ZNF831: variants seen among roughly 807,000 people sequenced by gnomAD.
ZNF831 encodes the protein zinc finger protein 831, also known as chromosome 20 open reading frame 174.
A neutral mutation model predicts 95.8 loss-of-function variants in ZNF831; 59 were observed. That is an observed-to-expected ratio of 0.62 (90% CI 0.50 to 0.77). The LOEUF (loss-of-function observed/expected upper bound fraction) is 0.77. Ranked by LOEUF, ZNF831 falls within the 30% of genes least tolerant of loss-of-function variation. The pLI is 0.00. For missense variants in ZNF831, 2,205 were observed against 2,164.0 expected (o/e 1.02, Z -0.38); for synonymous variants, 961 against 925.5 (o/e 1.04, Z -0.70).
chr20:59,177,500 C>G (rs1292228141), intron 1 of ZNF831, among the ~76,000 whole-genome samples: 1 of 152,210 alleles, frequency 6.6e-6, no homozygotes, highest in East Asian at 1.9e-4. Flanking sequence ...CAGGTACCAG[C>G]ATGGCTCATT....
intron 4 of ZNF831, among the ~76,000 whole-genome samples, chr20:59,233,093 C>T (rs1384126381): frequency 6.6e-6 from 1 of 151,656 alleles, no homozygotes; most frequent in East Asian, 1.9e-4. Flanking sequence ...CAGACTTGCC[C>T]CAGGTTACAT....
chr20:59,167,786 A>G (rs947759766), intron 1 of ZNF831, among the ~76,000 whole-genome samples: 6 of 152,264 alleles, frequency 3.9e-5, no homozygotes, highest in East Asian at 3.9e-4. Flanking sequence ...AGGCAGGAGA[A>G]TTGCTTGAAC....
intron 1 of ZNF831, among the ~76,000 whole-genome samples, chr20:59,145,182 C>T (rs774068009): frequency 6.6e-6 from 1 of 152,206 alleles, no homozygotes; most frequent in African/African-American, 2.4e-5. Context: ...AGATGGTGAA[C>T]TTTGACCGGA....
chr20:59,227,865 A>G (rs998043494), intron 4 of ZNF831, among the ~76,000 whole-genome samples: 1 of 152,194 alleles, frequency 6.6e-6, no homozygotes, highest in African/African-American at 2.4e-5. Context: ...ATGAAAAAAC[A>G]TGCATAGAGA....
Position 59,186,315 on chromosome 20 carries a change from C to T in ZNF831, c.-36-4669C>T, listed in dbSNP as rs1194529908. On this transcript the variant is annotated intron_variant, in intron 1 of 5. Transcript: ENST00000371030. ...CCGAGACAGCATCCCTTGCTAGAGG[C>T]GATGCATGGAGACTGCTGAGCTGAC... Among the ~76,000 whole-genome samples the T allele has an allele frequency of 2.6e-5, 4 of 151,948 alleles. No individual in the cohort carries two copies. The South Asian group carries it at 6.3e-4, about 24-fold the overall frequency.
rs35635821 is a variant in ZNF831, at chr20:59,148,679, CAAAAAAAAAAAAAAAAAAAAAAAAAAA to C, written c.-1281+2324_-1281+2350del. Reference sequence around the variant, plus strand: ...TGGGCGACAGAGCGAAACTCCGTCTCAAAAAAAAAAAAAAAAAAAAAAAAAAAAAAAAAAAAAAAAAAAAAGAACAGA... The same window carrying C: ...TGGGCGACAGAGCGAAACTCCGTCTCAAAAAAAAAAAAAAAAAAGAACAGA... On this transcript the variant is annotated intron_variant, in intron 2 of 7. Transcript: ENST00000637017. Among the ~76,000 whole-genome samples, 52 of 16,216 alleles carry C rather than the reference CAAAAAAAAAAAAAAAAAAAAAAAAAAA, an allele frequency of 3.2e-3. 2 individuals carry two copies. The highest frequency in any genetic ancestry group is 5.3e-3 in the East Asian group (2 of 376). The allele number at this position is 16,216 out of a possible 152,430, so 10.6% of individuals were successfully genotyped here. A position where few individuals can be genotyped will look rare whatever the true frequency, so the allele number is the denominator to read the frequency against.
intron 4 of ZNF831, among the ~76,000 whole-genome samples, chr20:59,231,177 C>A (rs1194129425): frequency 6.6e-6 from 1 of 152,176 alleles, no homozygotes; most frequent in East Asian, 1.9e-4. Context: ...AAATGAGTTA[C>A]CCGGTCATAC....
intron 4 of ZNF831, among the ~76,000 whole-genome samples, chr20:59,231,103 C>A (rs1986697118): frequency 6.6e-6 from 1 of 152,204 alleles, no homozygotes; most frequent in Admixed American, 6.5e-5. Context: ...AGAGTACCTA[C>A]TTCCCTGTAA....
chr20:59,229,362 C>A (rs1478492744), intron 4 of ZNF831, among the ~76,000 whole-genome samples: 1 of 152,160 alleles, frequency 6.6e-6, no homozygotes, highest in Non-Finnish European at 1.5e-5. Context: ...TGGGAACTGG[C>A]ATGGCATCAC....
intron 4 of ZNF831, among the ~76,000 whole-genome samples, chr20:59,241,789 G>C (rs897341947): frequency 3.9e-5 from 6 of 152,238 alleles, no homozygotes; most frequent in African/African-American, 1.4e-4. Flanking sequence ...GTATTGTTTA[G>C]AAGAAATATC....
At chr20:59,188,554 G>A (rs1049637119) in intron 1 of ZNF831, among the ~76,000 whole-genome samples, 3 of 152,246 alleles carry the variant, frequency 2.0e-5, no homozygotes, top group Admixed American at 6.5e-5. Context: ...CTACTCAGGC[G>A]GCTGAGGCAT....
chr20:59,173,296 A>C (rs145773900), intron 1 of ZNF831, among the ~76,000 whole-genome samples: 10 of 152,336 alleles, frequency 6.6e-5, no homozygotes, highest in South Asian at 2.1e-4. Context: ...ATTTTAATTC[A>C]GTAACTTGCA....
intron 1 of ZNF831, among the ~76,000 whole-genome samples, chr20:59,126,446 G>T (rs772267604): frequency 6.6e-6 from 1 of 152,174 alleles, no homozygotes. Context: ...CTGAGGCTCT[G>T]TTCCTTAACA....
rs969543605 is a variant in ZNF831, at chr20:59,163,887, C to T, written c.-357C>T. On this transcript the variant is annotated 5_prime_UTR_variant, in exon 1 of 6. The change creates a new upstream start codon in the 5' untranslated region. Transcript: ENST00000371030. Reference sequence around the variant, plus strand: ...TGAAATGGTGCTTTTCTCAGTTAAACGTGGACTTGACATAAAGGCCAAGCC... The same window carrying T: ...TGAAATGGTGCTTTTCTCAGTTAAATGTGGACTTGACATAAAGGCCAAGCC... Among the ~76,000 whole-genome samples the T allele has an allele frequency of 3.9e-5, 6 of 152,142 alleles. No homozygotes were observed. The highest frequency in any genetic ancestry group is 9.7e-5 in the African/African-American group (4 of 41,424).
chr20:59,164,317 G>T (rs1981084255), intron 1 of ZNF831, among the ~76,000 whole-genome samples, 110 bp downstream of exon 1: 1 of 152,186 alleles, frequency 6.6e-6, no homozygotes, highest in African/African-American at 2.4e-5. Flanking sequence ...CAGTTAAAGG[G>T]AAAATGCTAC....
intron 1 of ZNF831, among the ~76,000 whole-genome samples, chr20:59,170,955 G>T (rs1981683783): frequency 6.6e-6 from 1 of 152,176 alleles, no homozygotes; most frequent in African/African-American, 2.4e-5. Flanking sequence ...GGCACTAGTG[G>T]GACAGAAGTC....
chr20:59,232,994 G>GCAGGCACA (rs1555834554), intron 4 of ZNF831, among the ~76,000 whole-genome samples: 2 of 122,990 alleles, frequency 1.6e-5, no homozygotes, highest in Admixed American at 1.7e-4. Flanking sequence ...GGACCCTGAG[G>GCAGGCACA]CACACACACA....
At chr20:59,201,192 G>T (rs1984507362) in intron 3 of ZNF831, among the ~76,000 whole-genome samples, 1 of 152,068 alleles carries the variant, frequency 6.6e-6, no homozygotes, top group Non-Finnish European at 1.5e-5. Flanking sequence ...TTATGTAGTG[G>T]TATCTCTTTA....
chr20:59,241,139 C>T (rs543353287), intron 4 of ZNF831, among the ~76,000 whole-genome samples: 1 of 152,250 alleles, frequency 6.6e-6, no homozygotes, highest in East Asian at 1.9e-4. Context: ...AAGAATTTGG[C>T]CCCTCTCTTC....
Sources: allele counts gnomAD v4.1 joint callset (sites outside exome capture counted in the v4.1 genomes callset), GRCh38; gene constraint gnomAD v4.1.1; transcripts MANE v1.5; gene names NCBI Gene and HGNC (gene_info 2026-07-23, HGNC 2026-07-21).